Variants in C12orf42 observed in about 807,000 individuals in gnomAD.
C12orf42 encodes chromosome 12 open reading frame 42.
A neutral mutation model predicts 21.6 loss-of-function variants in C12orf42; 25 were observed. The ratio of observed to expected loss-of-function variants is 1.16; its 90% CI spans 0.84 to 1.62. The LOEUF (loss-of-function observed/expected upper bound fraction) is 1.62, where lower values mean the gene tolerates loss of function less well. Among genes scored for constraint, C12orf42 ranks in the 40% most tolerant of loss-of-function variants. The probability of loss-of-function intolerance (pLI) is 0.00; values close to 1 mark genes in which losing one functional copy is unlikely to be tolerated. For synonymous variants in C12orf42, 174 were observed against 175.0 expected, an observed-to-expected ratio of 0.99 and a Z score of 0.05; for missense variants, 483 against 459.3, an observed-to-expected ratio of 1.05 and a Z score of -0.47.
At chr12:103,535,559 A>T in the C12orf42 span, among the ~76,000 whole-genome samples, 1 of 152,094 alleles carries the variant, frequency 6.6e-6, no homozygotes, top group South Asian at 2.1e-4. Context: ...TCTAAGGGCA[A>T]GAGAGACTCT....
chr12:103,543,502 A>C, the C12orf42 span, among the ~76,000 whole-genome samples: 1 of 151,940 alleles, frequency 6.6e-6, no homozygotes, highest in Admixed American at 6.6e-5. Context: ...GGTCCCAGCT[A>C]CTTGGAAGGG....
intron 2 of C12orf42, among the ~76,000 whole-genome samples, chr12:103,414,138 C>T (rs780233775): frequency 6.6e-6 from 1 of 152,128 alleles, no homozygotes; most frequent in Non-Finnish European, 1.5e-5. Flanking sequence ...CACATCCATA[C>T]CAATATCTAT....
At chr12:103,377,814 C>A (rs1478287090) in intron 3 of C12orf42, among the ~76,000 whole-genome samples, 2 of 152,156 alleles carry the variant, frequency 1.3e-5, no homozygotes, top group Admixed American at 1.3e-4. Context: ...CACTTCTCCT[C>A]ATCAGGCCCC....
chr12:103,066,676 G>A, the C12orf42 span, among the ~76,000 whole-genome samples: 8 of 152,200 alleles, frequency 5.3e-5, no homozygotes, highest in South Asian at 2.1e-4. Context: ...GTACTGATTC[G>A]TGGGCTGTAG....
chr12:103,225,206 A>C, the C12orf42 span, among the ~76,000 whole-genome samples: 5 of 152,212 alleles, frequency 3.3e-5, no homozygotes, highest in Admixed American at 6.5e-5. Context: ...TATTGAGGAC[A>C]AAAGAGTGTA....
At chr12:103,315,466 T>C (rs1302918349) in intron 4 of C12orf42, among the ~76,000 whole-genome samples, 1 of 151,988 alleles carries the variant, frequency 6.6e-6, no homozygotes, top group Non-Finnish European at 1.5e-5. Context: ...AGTTTGGAAA[T>C]GGCCAAAGAA....
intron 10 of C12orf42, among the ~76,000 whole-genome samples, chr12:103,259,925 A>G (rs1593229245): frequency 6.6e-6 from 1 of 152,226 alleles, no homozygotes; most frequent in African/African-American, 2.4e-5. Context: ...GAACAGTTAA[A>G]TAACTTTATC....
chr12:103,052,323 A>G, the C12orf42 span, among the ~76,000 whole-genome samples: 1 of 152,146 alleles, frequency 6.6e-6, no homozygotes, highest in Non-Finnish European at 1.5e-5. Context: ...TTATGATAGT[A>G]CAGGTGACTC....
chr12:103,450,739 T>G (rs895633604), intron 2 of C12orf42, among the ~76,000 whole-genome samples: 1 of 152,122 alleles, frequency 6.6e-6, no homozygotes, highest in African/African-American at 2.4e-5. Context: ...CCATGAATCT[T>G]GGCTCTGTCC....
At chr12:103,246,820 T>C (rs2034031456) in intron 10 of C12orf42, among the ~76,000 whole-genome samples, 1 of 152,020 alleles carries the variant, frequency 6.6e-6, no homozygotes, top group Non-Finnish European at 1.5e-5. Context: ...AAAGCTTTCT[T>C]CCCTACTCAG....
intron 5 of C12orf42, chr12:103,273,803 A>C (rs556507655): frequency 4.4e-6 from 2 of 455,978 alleles, no homozygotes; most frequent in East Asian, 1.4e-4. Flanking sequence ...TGATGACTTC[A>C]TGGGTCTGAG....
chr12:103,184,185 C>T, the C12orf42 span, among the ~76,000 whole-genome samples: 1 of 152,210 alleles, frequency 6.6e-6, no homozygotes, highest in African/African-American at 2.4e-5. Flanking sequence ...ATTAGTCTAT[C>T]TCCTTTCAGC....
the C12orf42 span, among the ~76,000 whole-genome samples, chr12:103,055,283 T>G: frequency 2.6e-5 from 4 of 151,942 alleles, no homozygotes; most frequent in African/African-American, 4.8e-5. Flanking sequence ...TATATTGAGT[T>G]GTGAGTAGTT....
the C12orf42 span, among the ~76,000 whole-genome samples, chr12:103,213,733 G>A: frequency 6.6e-6 from 1 of 152,180 alleles, no homozygotes; most frequent in African/African-American, 2.4e-5. Flanking sequence ...AGGGATCTGA[G>A]AAAAACTCAC....
chr12:103,226,656 G>T, the C12orf42 span, among the ~76,000 whole-genome samples: 2 of 152,178 alleles, frequency 1.3e-5, no homozygotes, highest in East Asian at 3.9e-4. Flanking sequence ...GTGAGGAGGG[G>T]AAGTGATAAA....
intron 3 of C12orf42, among the ~76,000 whole-genome samples, chr12:103,395,619 G>A (rs1273798912): frequency 2.0e-5 from 3 of 152,132 alleles, no homozygotes; most frequent in Admixed American, 6.5e-5. Flanking sequence ...ACAGGCGTGA[G>A]CCACCACGCC....
chr12:103,413,279 T>C (rs1174349268), intron 2 of C12orf42, among the ~76,000 whole-genome samples: 3 of 152,158 alleles, frequency 2.0e-5, no homozygotes, highest in South Asian at 2.1e-4. Context: ...GGCTTCATTT[T>C]TGAGTTTTCT....
intron 2 of C12orf42, among the ~76,000 whole-genome samples, chr12:103,414,212 G>T (rs530910670): frequency 1.3e-5 from 2 of 152,170 alleles, no homozygotes; most frequent in African/African-American, 4.8e-5. Flanking sequence ...TTGTGGTTTT[G>T]ATTTGCATTT....
intron 5 of C12orf42, among the ~76,000 whole-genome samples, chr12:103,305,728 T>C (rs541992610): frequency 6.6e-6 from 1 of 152,316 alleles, no homozygotes; most frequent in African/African-American, 2.4e-5. Context: ...TGATAATAGC[T>C]GTCATTGTCA....
Sources: allele counts gnomAD v4.1 joint callset (sites outside exome capture counted in the v4.1 genomes callset), GRCh38; gene constraint gnomAD v4.1.1; transcripts MANE v1.5; gene names NCBI Gene and HGNC (gene_info 2026-07-23, HGNC 2026-07-21).